The following LOC128092252 variants were observed in gnomAD, a reference collection of about 807,000 sequenced individuals.
At chr15:50,673,456 G>A in the LOC128092252 span, among the ~76,000 whole-genome samples, 9 of 152,078 alleles carry the variant, frequency 5.9e-5, no homozygotes, top group Non-Finnish European at 1.2e-4. Context: ...AAAGTCCATT[G>A]TGTCATTCTT....
chr15:50,672,552 T>G, the LOC128092252 span, among the ~76,000 whole-genome samples: 1 of 151,856 alleles, frequency 6.6e-6, no homozygotes, highest in Non-Finnish European at 1.5e-5. Context: ...TAGGCTAACG[T>G]GTATATTTGT....
chr15:50,686,608 G>C, the LOC128092252 span: 5 of 1,582,038 alleles, frequency 3.2e-6, no homozygotes, highest in Non-Finnish European at 3.4e-6. Context: ...CCATCTATCG[G>C]GAAGCGTCTC....
At chr15:50,657,944 T>C in the LOC128092252 span, 243,914 of 636,044 alleles carry the variant, frequency 0.38, 50,635 homozygotes, top group Admixed American at 0.49. Flanking sequence ...TCAGTAGATA[T>C]TATAGTTCAC....
At chr15:50,652,151 G>A in the LOC128092252 span, among the ~76,000 whole-genome samples, 1 of 151,070 alleles carries the variant, frequency 6.6e-6, no homozygotes, top group South Asian at 2.1e-4. Flanking sequence ...TGGCCAACAT[G>A]GTGAAATCCT....
At chr15:50,684,856 C>A in the LOC128092252 span, among the ~76,000 whole-genome samples, 38 of 152,238 alleles carry the variant, frequency 2.5e-4, no homozygotes, top group African/African-American at 9.1e-4. Context: ...GTGCAGAATT[C>A]TTTGTAACCT....
At chr15:50,649,937 G>A in the LOC128092252 span, among the ~76,000 whole-genome samples, 21 of 152,078 alleles carry the variant, frequency 1.4e-4, no homozygotes, top group African/African-American at 4.8e-4. Context: ...GCTCACACCT[G>A]TAATCCCAGC....
the LOC128092252 span, among the ~76,000 whole-genome samples, chr15:50,660,579 CG>C: frequency 2.6e-5 from 4 of 152,106 alleles, no homozygotes; most frequent in African/African-American, 7.2e-5. Context: ...CGCTTGAACC[CG>C]GAAGGCAGAC....
At chr15:50,682,242 C>T in the LOC128092252 span, among the ~76,000 whole-genome samples, 1 of 145,074 alleles carries the variant, frequency 6.9e-6, no homozygotes, top group African/African-American at 2.5e-5. Context: ...GACTTATCAA[C>T]TTCAAAAAAC....
chr15:50,661,854 T>C, the LOC128092252 span, among the ~76,000 whole-genome samples: 1 of 152,174 alleles, frequency 6.6e-6, no homozygotes, highest in Non-Finnish European at 1.5e-5. Flanking sequence ...TGAAGAAAAG[T>C]GCTCTATAGG....
chr15:50,651,750 C>T, the LOC128092252 span, among the ~76,000 whole-genome samples: 1 of 151,656 alleles, frequency 6.6e-6, no homozygotes, highest in African/African-American at 2.4e-5. Context: ...ATAAGCTGGG[C>T]GTCGTGGCAG....
At chr15:50,674,907 G>C in the LOC128092252 span, among the ~76,000 whole-genome samples, 2 of 152,118 alleles carry the variant, frequency 1.3e-5, 1 homozygote, top group South Asian at 4.1e-4. Context: ...CTGGAAACCA[G>C]AGTTGTTTCT....
the LOC128092252 span, among the ~76,000 whole-genome samples, chr15:50,677,730 C>T: frequency 3.0e-5 from 4 of 132,466 alleles, no homozygotes; most frequent in Admixed American, 2.5e-4. Flanking sequence ...CAGAACAAGA[C>T]CCCGTATCAA....
chr15:50,670,105 CCTCT>C, the LOC128092252 span, among the ~76,000 whole-genome samples: 1 of 152,100 alleles, frequency 6.6e-6, no homozygotes, highest in South Asian at 2.1e-4. Flanking sequence ...TGAATGAGTG[CCTCT>C]CTATCACGGA....
chr15:50,674,983 C>T, the LOC128092252 span, among the ~76,000 whole-genome samples: 1 of 152,118 alleles, frequency 6.6e-6, no homozygotes, highest in African/African-American at 2.4e-5. Context: ...TGTGTCACTC[C>T]CATACTCACA....
chr15:50,655,749 G>A, the LOC128092252 span, among the ~76,000 whole-genome samples: 23 of 152,174 alleles, frequency 1.5e-4, no homozygotes, highest in Non-Finnish European at 2.9e-4. Context: ...TGGAATTCCA[G>A]CACTTTGGGA....
the LOC128092252 span, among the ~76,000 whole-genome samples, chr15:50,652,877 CTA>C: frequency 6.6e-6 from 1 of 152,048 alleles, no homozygotes; most frequent in Non-Finnish European, 1.5e-5. Flanking sequence ...CAAGAAAAGA[CTA>C]GGCCGGGCAC....
chr15:50,671,857 G>A, the LOC128092252 span, among the ~76,000 whole-genome samples: 1 of 152,012 alleles, frequency 6.6e-6, no homozygotes, highest in Admixed American at 6.6e-5. Context: ...TAAGTTCATA[G>A]CACCAGGACT....
chr15:50,684,610 A>T, the LOC128092252 span, among the ~76,000 whole-genome samples: 1 of 152,074 alleles, frequency 6.6e-6, no homozygotes, highest in African/African-American at 2.4e-5. Flanking sequence ...CACTGCACTC[A>T]GCCTGGGCAA....
the LOC128092252 span, among the ~76,000 whole-genome samples, chr15:50,685,281 T>C: frequency 6.6e-6 from 1 of 152,180 alleles, no homozygotes; most frequent in East Asian, 1.9e-4. Context: ...CTGCCAAACA[T>C]GGTGAAACCC....
Sources: allele counts gnomAD v4.1 joint callset (sites outside exome capture counted in the v4.1 genomes callset), GRCh38; gene constraint gnomAD v4.1.1; transcripts MANE v1.5.